MECOM: variants seen among roughly 807,000 people sequenced by gnomAD.
MECOM encodes the protein histone-lysine N-methyltransferase MECOM.
A neutral mutation model predicts 116.3 loss-of-function variants in MECOM; 13 were observed. The observed-to-expected ratio is 0.11, with a 90% CI of 0.07 to 0.18. The LOEUF is 0.18. MECOM is among the 10% of genes least tolerant of loss of function. MECOM has a pLI of 1.00. For missense variants in MECOM, 1,299 were observed against 1,509.0 expected (o/e 0.86, Z 2.31); for synonymous variants, 528 against 535.2 (o/e 0.99, Z 0.19).
chr3:169,275,668 A>G (rs1759492506), intron 2 of MECOM, among the ~76,000 whole-genome samples: 1 of 152,144 alleles, frequency 6.6e-6, no homozygotes, highest in East Asian at 1.9e-4. Flanking sequence ...TCACAGGTTC[A>G]GGGTGTTCAC....
At chr3:169,097,187 G>C (rs1188010308) in intron 12 of MECOM, among the ~76,000 whole-genome samples, 1 of 152,004 alleles carries the variant, frequency 6.6e-6, no homozygotes, top group Admixed American at 6.6e-5. Flanking sequence ...ATGAGGAAGA[G>C]AGATTATGTT....
chr3:169,321,457 T>C (rs1241409124), intron 2 of MECOM, among the ~76,000 whole-genome samples: 8 of 152,120 alleles, frequency 5.3e-5, no homozygotes, highest in Non-Finnish European at 1.0e-4. Context: ...GGAGAATCAC[T>C]TGAGCCCGGG....
At chr3:169,108,592 C>G (rs1005554437) in intron 9 of MECOM, among the ~76,000 whole-genome samples, 1 of 152,066 alleles carries the variant, frequency 6.6e-6, no homozygotes, top group Non-Finnish European at 1.5e-5. Flanking sequence ...AAGTTATATA[C>G]GCTTAAAAAT....
chr3:169,191,988 C>G (rs1354352564), intron 2 of MECOM, among the ~76,000 whole-genome samples: 2 of 151,878 alleles, frequency 1.3e-5, no homozygotes, highest in African/African-American at 4.8e-5. Context: ...CCTGTAAGTA[C>G]CATTTCAATG....
At chr3:169,635,221 G>GAT (rs1478330794) in intron 1 of MECOM, among the ~76,000 whole-genome samples, 3 of 152,322 alleles carry the variant, frequency 2.0e-5, no homozygotes, top group South Asian at 2.1e-4. Context: ...AAACAAGGAT[G>GAT]ATAGCAATGT....
chr3:169,097,817 T>TAAAAAAAAAAAAAAAAAAAAAAAAAAAA (rs539873617), intron 12 of MECOM, among the ~76,000 whole-genome samples: 1 of 87,194 alleles, frequency 1.1e-5, no homozygotes, highest in African/African-American at 3.9e-5. Flanking sequence ...ACTGTCTATA[T>TAAAAAAAAAAAAAAAAAAAAAAAAAAAA]AAAAAAAAAA....
chr3:169,288,690 CTG>C lies in MECOM; in HGVS notation c.375+92495_375+92496del, dbSNP rs776240046. On this transcript the variant is annotated intron_variant, in intron 2 of 16. Transcript: ENST00000651503. ...CTCATGTAATCTGCTGCGTGTGCGT[CTG>C]TGTGTGTGTGTTCCAAGTGCCCTTC... Among the ~76,000 whole-genome samples, 58 of 152,004 alleles carry C rather than the reference CTG, an allele frequency of 3.8e-4. 1 individual carries two copies. In the Middle Eastern group the frequency reaches 0.01, roughly 27 times the overall value.
At chr3:169,651,546 G>A (rs1449775577) in intron 1 of MECOM, among the ~76,000 whole-genome samples, 1 of 152,130 alleles carries the variant, frequency 6.6e-6, no homozygotes, top group Non-Finnish European at 1.5e-5. Context: ...ACTCAGGAAT[G>A]GAAAACCAAA....
chr3:169,479,394 G>A (rs1325972392), intron 1 of MECOM, among the ~76,000 whole-genome samples: 2 of 151,862 alleles, frequency 1.3e-5, no homozygotes, highest in Admixed American at 1.3e-4. Context: ...GAAAGTTTGG[G>A]TTGGTGGAGG....
chr3:169,472,648 GAAA>G (rs1273154812), intron 1 of MECOM, among the ~76,000 whole-genome samples: 2 of 63,382 alleles, frequency 3.2e-5, no homozygotes, highest in African/African-American at 1.6e-4. Context: ...GAAAGGAAAG[GAAA>G]AGAAAAGAAA....
chr3:169,587,712 C>A (rs1220465648), intron 1 of MECOM, among the ~76,000 whole-genome samples: 1 of 152,132 alleles, frequency 6.6e-6, no homozygotes, highest in African/African-American at 2.4e-5. Flanking sequence ...CAATGCTACT[C>A]TAAAGGTGTA....
At chr3:169,460,337 A>G (rs1277394851) in intron 1 of MECOM, among the ~76,000 whole-genome samples, 2 of 152,170 alleles carry the variant, frequency 1.3e-5, no homozygotes, top group Non-Finnish European at 2.9e-5. Context: ...ATTCTTAAAA[A>G]GTCAGTTTGG....
intron 2 of MECOM, among the ~76,000 whole-genome samples, chr3:169,290,187 G>A (rs1322627815): frequency 6.6e-6 from 1 of 152,082 alleles, no homozygotes; most frequent in Non-Finnish European, 1.5e-5. Flanking sequence ...GACAAAGCAT[G>A]CTGTATCCAA....
chr3:169,484,042 T>A (rs927547639), intron 1 of MECOM: 24 of 1,292,094 alleles, frequency 1.9e-5, no homozygotes, highest in Non-Finnish European at 2.6e-5. Flanking sequence ...TTTATATAAC[T>A]AATGGAAAGT....
At chr3:169,218,707 T>G (rs1263464592) in intron 2 of MECOM, among the ~76,000 whole-genome samples, 1 of 152,174 alleles carries the variant, frequency 6.6e-6, no homozygotes, top group East Asian at 1.9e-4. Context: ...TCCATATCAG[T>G]GTTAACTTTT....
intron 2 of MECOM, among the ~76,000 whole-genome samples, chr3:169,321,251 C>T (rs535072839): frequency 6.6e-6 from 1 of 152,256 alleles, no homozygotes; most frequent in Admixed American, 6.5e-5. Context: ...TGTTAGAATA[C>T]AAAGAGTGGG....
At chr3:169,312,365 A>ATTTTT in intron 2 of MECOM, among the ~76,000 whole-genome samples, 1 of 118,470 alleles carries the variant, frequency 8.4e-6, no homozygotes, top group Non-Finnish European at 1.7e-5. Context: ...AATGACTGCA[A>ATTTTT]TTTTTTTTTT....
intron 2 of MECOM, among the ~76,000 whole-genome samples, chr3:169,254,717 G>A (rs909657720): frequency 1.3e-5 from 2 of 152,030 alleles, no homozygotes; most frequent in African/African-American, 2.4e-5. Flanking sequence ...GTATAAAAAG[G>A]AAAAAGATAT....
chr3:169,479,005 T>A (rs1463355930), intron 1 of MECOM, among the ~76,000 whole-genome samples: 2 of 152,318 alleles, frequency 1.3e-5, no homozygotes, highest in South Asian at 2.1e-4. Flanking sequence ...TCACCTATTA[T>A]GTACCAGGCA....
Sources: allele counts gnomAD v4.1 joint callset (sites outside exome capture counted in the v4.1 genomes callset), GRCh38; gene constraint gnomAD v4.1.1; transcripts MANE v1.5; gene names NCBI Gene and HGNC (gene_info 2026-07-23, HGNC 2026-07-21).